The following CORO2A variants were observed in gnomAD, a reference collection of about 807,000 sequenced individuals.
CORO2A encodes coronin-2A.
Under a neutral mutation model 62.4 loss-of-function variants are expected in CORO2A, and 47 were observed. That is an observed-to-expected ratio of 0.75 (90% CI 0.60 to 0.96). The LOEUF (loss-of-function observed/expected upper bound fraction) is 0.96, where lower values mean the gene tolerates loss of function less well. Ranked by LOEUF, CORO2A falls within the 40% of genes least tolerant of loss-of-function variation. The pLI, the probability that CORO2A is intolerant of heterozygous loss-of-function variation, is 0.00. For synonymous variants in CORO2A, 273 were observed against 268.9 expected (o/e 1.02, Z -0.15); for missense variants, 610 against 684.1 (o/e 0.89, Z 1.21).
chr9:98,123,495 CTTTT>C lies in CORO2A; in HGVS notation c.*1275_*1278del, dbSNP rs778918442. 3 of 144,504 alleles carry C rather than the reference CTTTT, an allele frequency of 2.1e-5. No homozygotes were observed. Among genetic ancestry groups the C allele is most frequent in the East Asian group, 2.0e-4 (1 of 5,094 alleles). The allele number at this position is 144,504 out of a possible 1,614,324, so 9.0% of individuals were successfully genotyped here. A position where few individuals can be genotyped will look rare whatever the true frequency, so the allele number is the denominator to read the frequency against. ...CTTAGTCTTCCCCTATTCTCTCTCT[CTTTT>C]TTTTTTTTTTTTTGGAGATGGAGTC... is the stretch of plus-strand genomic sequence containing the variant. On this transcript the variant is annotated 3_prime_UTR_variant, in exon 12 of 12. Transcript: ENST00000375077.
intron 2 of CORO2A, among the ~76,000 whole-genome samples, chr9:98,151,917 C>T (rs1435261547): frequency 1.3e-5 from 2 of 150,696 alleles, no homozygotes; most frequent in African/African-American, 4.9e-5. Flanking sequence ...CCCGGGTTCA[C>T]GCCATTCTCC....
At chr9:98,133,306 A>T in intron 4 of CORO2A, 89 bp from the exon 5 acceptor site, 2 of 1,330,332 alleles carry the variant, frequency 1.5e-6, no homozygotes, top group Non-Finnish European at 2.1e-6. Flanking sequence ...AGTGAAACAC[A>T]GTATCCCTGG....
chr9:98,176,750 T>C (rs1436188333), intron 1 of CORO2A, among the ~76,000 whole-genome samples: 1 of 151,986 alleles, frequency 6.6e-6, no homozygotes, highest in Non-Finnish European at 1.5e-5. Context: ...CCCAAAAGGA[T>C]CCCAGATGTC....
chr9:98,133,763 A>G (rs1827444516), intron 4 of CORO2A, among the ~76,000 whole-genome samples: 1 of 151,938 alleles, frequency 6.6e-6, no homozygotes, highest in Admixed American at 6.6e-5. Context: ...CCCCACAACA[A>G]TTTTAGTTAT....
In CORO2A at chr9:98,148,084, T is replaced by TAAAAAAAAAAAAGA. The variant is rs1306828929; in HGVS notation, c.201+9362_201+9375dup. On this transcript the variant is annotated intron_variant, in intron 2 of 11. Transcript: ENST00000375077. ...CAACATCATGAGACCTCGCCTCTAT[T>TAAAAAAAAAAAAGA]AAAAAAAAAAAAGAAAAAAAAAAAA... Among the ~76,000 whole-genome samples, 16 of 136,676 alleles carry TAAAAAAAAAAAAGA rather than the reference T, an allele frequency of 1.2e-4. No individual in the cohort carries two copies. In the East Asian group the frequency reaches 3.0e-3, roughly 26 times the overall value. The allele number at this position is 136,676 out of a possible 152,430, so 89.7% of individuals were successfully genotyped here.
chr9:98,147,778 C>T (rs1827663183), intron 2 of CORO2A, among the ~76,000 whole-genome samples: 1 of 152,162 alleles, frequency 6.6e-6, no homozygotes, highest in African/African-American at 2.4e-5. Flanking sequence ...ACTCCTGGCC[C>T]TTTATGCCAG....
chr9:98,128,176 T>C lies in CORO2A; in HGVS notation c.1165A>G (p.Asn389Asp). 6.2e-7 allele frequency: 1 copy of C among 1,612,576 alleles called. No homozygotes were observed. The change falls in exon 10 of 12, where the codon AAT becomes GAT. Residue 389 changes from asparagine to aspartate, a missense_variant. Asn to Asp is a conservative substitution (Grantham distance 23). Transcript: ENST00000375077. ...TCTTCTCTGCCTTCCTCACCTCGATTCATCCCGCTGAGCCACTCCTGGGCC... is the reference window on the plus strand; with the variant it reads ...TCTTCTCTGCCTTCCTCACCTCGATCCATCCCGCTGAGCCACTCCTGGGCC... ...LTAQEWLSGM[N>D]RDPILVSLRP...
chr9:98,146,247 C>G (rs1470867531), intron 2 of CORO2A, among the ~76,000 whole-genome samples: 1 of 152,218 alleles, frequency 6.6e-6, no homozygotes, highest in Non-Finnish European at 1.5e-5. Flanking sequence ...GACTCTGTGG[C>G]AGGCTGGGCC....
At chr9:98,127,534 A>G (rs1827341904) in intron 10 of CORO2A, among the ~76,000 whole-genome samples, 1 of 152,192 alleles carries the variant, frequency 6.6e-6, no homozygotes, top group Non-Finnish European at 1.5e-5. Flanking sequence ...GCAAAAGGCC[A>G]GGCCCAGTGG....
At chr9:98,136,816 A>C (rs777106702) in intron 3 of CORO2A, among the ~76,000 whole-genome samples, 8 of 152,132 alleles carry the variant, frequency 5.3e-5, no homozygotes, top group Non-Finnish European at 8.8e-5. Flanking sequence ...GGTGACAATG[A>C]CTTTTATCTT....
chr9:98,148,809 C>CA (rs34341064), intron 2 of CORO2A, among the ~76,000 whole-genome samples: 89 of 150,714 alleles, frequency 5.9e-4, no homozygotes, highest in African/African-American at 1.5e-3. Flanking sequence ...ACACAAAACA[C>CA]AAAAAAAAAT....
At chr9:98,155,798 G>T (rs1827795808) in intron 2 of CORO2A, among the ~76,000 whole-genome samples, 1 of 152,092 alleles carries the variant, frequency 6.6e-6, no homozygotes, top group Admixed American at 6.6e-5. Flanking sequence ...ACAGTTGCTT[G>T]TATTAGTTCT....
At chr9:98,131,080 G>C (rs1360071109) in intron 6 of CORO2A, 21 bp from the exon 7 acceptor site, 6 of 1,566,614 alleles carry the variant, frequency 3.8e-6, no homozygotes, top group Middle Eastern at 1.7e-4. Context: ...AGGGGAGGCA[G>C]GGAAGGCCTG....
intron 3 of CORO2A, 54 bp downstream of exon 3, chr9:98,137,518 C>A (rs1261822914): frequency 2.7e-6 from 4 of 1,458,006 alleles, no homozygotes; most frequent in Non-Finnish European, 3.8e-6. Context: ...TCCACCCCAA[C>A]CACCCCAATC....
chr9:98,134,576 CAG>C (rs1564202098), intron 4 of CORO2A, among the ~76,000 whole-genome samples: 1 of 152,162 alleles, frequency 6.6e-6, no homozygotes, highest in African/African-American at 2.4e-5. Flanking sequence ...CGTGTGAAGA[CAG>C]AAACAGAGCC....
Position 98,157,498 on chromosome 9 carries a change from C to A in CORO2A, c.163G>T (p.Ala55Ser). The stretch of plus-strand genomic sequence containing the variant: ...ATGACGAGGAAGGCCCCTCCACCAG[C>A]ACACTCAGTCACAACTGCAATGAAG... ...PHFIAVVTECAGGGAFLVIPL... is the reference protein window; with the variant it reads ...PHFIAVVTECSGGGAFLVIPL... The change falls in exon 2 of 12, where the codon GCT becomes TCT. Residue 55 changes from alanine (A) to serine (S), a missense_variant. Ala to Ser is a moderately conservative substitution (Grantham distance 99). Transcript: ENST00000375077. 6.2e-7 allele frequency: 1 copy of A among 1,614,244 alleles called. No individual in the cohort carries two copies. Among genetic ancestry groups the A allele is most frequent in the Non-Finnish European group, 8.5e-7 (1 of 1,180,054 alleles).
At chr9:98,167,699 T>C (rs1429633266) in intron 1 of CORO2A, among the ~76,000 whole-genome samples, 1 of 152,198 alleles carries the variant, frequency 6.6e-6, no homozygotes, top group Non-Finnish European at 1.5e-5. Flanking sequence ...CCTGACAGTA[T>C]TAAAGAATTG....
intron 1 of CORO2A, among the ~76,000 whole-genome samples, chr9:98,184,167 G>A (rs1828210269): frequency 1.3e-5 from 2 of 152,012 alleles, no homozygotes; most frequent in Admixed American, 1.3e-4. Context: ...AGGAATGACT[G>A]CACACATATC....
At chr9:98,126,386 C>A (rs2231672) in intron 11 of CORO2A, among the ~76,000 whole-genome samples, 163 bp downstream of exon 11, 1 of 152,110 alleles carries the variant, frequency 6.6e-6, no homozygotes, top group Non-Finnish European at 1.5e-5. Context: ...GAGCTCACTG[C>A]CTGTTTGTTG....
Sources: allele counts gnomAD v4.1 joint callset (sites outside exome capture counted in the v4.1 genomes callset), GRCh38; gene constraint gnomAD v4.1.1; transcripts MANE v1.5; gene names NCBI Gene and HGNC (gene_info 2026-07-23, HGNC 2026-07-21).